The following SDK1 variants were observed in gnomAD, a reference collection of about 807,000 sequenced individuals.
The protein encoded by SDK1 is sidekick cell adhesion molecule 1.
A neutral mutation model predicts 245.5 loss-of-function variants in SDK1; 157 were observed. That is an observed-to-expected ratio of 0.64 (90% CI 0.56 to 0.73). SDK1 has a LOEUF of 0.73. SDK1 is among the 30% of genes least tolerant of loss of function. SDK1 has a pLI of 0.00. For missense variants in SDK1, 3,583 were observed against 3,002.3 expected (o/e 1.19, Z -4.52); for synonymous variants, 1,647 against 1,278.5 (o/e 1.29, Z -6.15).
chr7:3,379,081 G>A (rs189994587), intron 1 of SDK1, among the ~76,000 whole-genome samples: 1 of 152,316 alleles, frequency 6.6e-6, no homozygotes. Context: ...AGCTTCTGCT[G>A]AGGAAACTTT....
intron 1 of SDK1, among the ~76,000 whole-genome samples, chr7:3,357,443 T>G (rs1214886061): frequency 6.9e-6 from 1 of 144,986 alleles, no homozygotes; most frequent in Non-Finnish European, 1.5e-5. Flanking sequence ...TCAGTCTCCC[T>G]GGGCTCAGGT....
intron 30 of SDK1, 59 bp from the exon 31 acceptor site, chr7:4,158,389 G>GC: frequency 7.2e-7 from 1 of 1,383,074 alleles, no homozygotes; most frequent in South Asian, 1.2e-5. Context: ...CACCAGGAAT[G>GC]CCTGAGGGCA....
Position 3,467,195 on chromosome 7 carries a change from G to A in SDK1, c.299-151885G>A, listed in dbSNP as rs138494449. 2.0e-4 allele frequency among the ~76,000 whole-genome samples: 30 copies of A among 152,096 alleles called. 2 individuals carry two copies. In the East Asian group the frequency reaches 5.6e-3, roughly 28 times the overall value. On this transcript the variant is annotated intron_variant, in intron 1 of 44. Coordinates refer to ENST00000404826, the MANE Select transcript of SDK1 (RefSeq NM_152744.4). ...CAATAAAAATATTTTTCTGTAATAT[G>A]TATGTACTACTTTACAATATTAAAG...
At chr7:3,574,478 G>T (rs1780222088) in intron 1 of SDK1, among the ~76,000 whole-genome samples, 1 of 152,044 alleles carries the variant, frequency 6.6e-6, no homozygotes, top group Non-Finnish European at 1.5e-5. Flanking sequence ...ACTGATGGCA[G>T]AACGTAGGTT....
At chr7:3,477,863 A>G (rs1781395806) in intron 1 of SDK1, among the ~76,000 whole-genome samples, 1 of 151,948 alleles carries the variant, frequency 6.6e-6, no homozygotes, top group African/African-American at 2.4e-5. Flanking sequence ...GTTGGATGGA[A>G]ATTTTATCTG....
In SDK1 at chr7:3,320,287, T is replaced by TC. The variant is rs1554257154; in HGVS notation, c.298+18408dup. On this transcript the variant is annotated intron_variant, in intron 1 of 44. Transcript: ENST00000404826. Reference sequence around the variant, plus strand: ...TTACAGCTTTTTTTTTCTATTTTTTTCCCCCTATCTCTTGTAAGTTCTCAT... The same window carrying TC: ...TTACAGCTTTTTTTTTCTATTTTTTTCCCCCCTATCTCTTGTAAGTTCTCAT... 4.0e-3 allele frequency among the ~76,000 whole-genome samples: 602 copies of TC among 151,394 alleles called. 2 individuals are homozygous for TC. Among genetic ancestry groups the TC allele is most frequent in the African/African-American group, 0.013 (530 of 41,250 alleles).
At chr7:3,323,761 G>A (rs1779875434) in intron 1 of SDK1, among the ~76,000 whole-genome samples, 1 of 152,208 alleles carries the variant, frequency 6.6e-6, no homozygotes, top group African/African-American at 2.4e-5. Context: ...ATGTGCTGTA[G>A]AATATGACAT....
chr7:3,811,920 T>A (rs1779394568), intron 4 of SDK1, among the ~76,000 whole-genome samples: 2 of 152,246 alleles, frequency 1.3e-5, no homozygotes, highest in South Asian at 4.1e-4. Context: ...GAAACAGATG[T>A]GGTTGGACCT....
chr7:4,068,034 G>A (rs117660298), intron 20 of SDK1, 98 bp downstream of exon 20: 15,843 of 814,162 alleles, frequency 0.019, 246 homozygotes, highest in South Asian at 0.047. Context: ...GCATGGACCC[G>A]TGCCCATGGC....
intron 5 of SDK1, among the ~76,000 whole-genome samples, chr7:3,908,167 G>A (rs1472533720): frequency 2.0e-5 from 3 of 152,164 alleles, no homozygotes; most frequent in Admixed American, 2.0e-4. Context: ...TGAGGGCTGC[G>A]GTACAGGAAA....
At chr7:3,524,075 G>T (rs924922661) in intron 1 of SDK1, among the ~76,000 whole-genome samples, 6 of 152,126 alleles carry the variant, frequency 3.9e-5, no homozygotes, top group African/African-American at 1.2e-4. Context: ...AACAAATATT[G>T]CCTGAGAAGA....
chr7:3,759,280 A>G (rs939990390), intron 4 of SDK1, among the ~76,000 whole-genome samples: 7 of 152,198 alleles, frequency 4.6e-5, no homozygotes, highest in Non-Finnish European at 1.0e-4. Context: ...CTAAATAGAA[A>G]GTGGGAATGT....
chr7:4,053,261 G>A lies in SDK1; in HGVS notation c.2911+1431G>A, dbSNP rs536765844. Among the ~76,000 whole-genome samples, 63 of 151,954 alleles carry A rather than the reference G, an allele frequency of 4.1e-4. 1 individual carries two copies. In the South Asian group the frequency reaches 0.011, roughly 26 times the overall value. On this transcript the variant is annotated intron_variant, in intron 19 of 44. Coordinates refer to ENST00000404826, the MANE Select transcript of SDK1 (RefSeq NM_152744.4). ...CCGTTTTTGGACTCCCAGCCTCACCGCACTCCCAGCAGGTGACATTTGCAG... is the reference window on the plus strand; with the variant it reads ...CCGTTTTTGGACTCCCAGCCTCACCACACTCCCAGCAGGTGACATTTGCAG...
chr7:3,413,685 T>TCAAA (rs1371326980), intron 1 of SDK1, among the ~76,000 whole-genome samples: 8 of 151,958 alleles, frequency 5.3e-5, no homozygotes, highest in South Asian at 2.1e-4. Context: ...AAACTTCATC[T>TCAAA]CAAACAAACA....
chr7:3,598,745 C>T (rs1374285908), intron 1 of SDK1, among the ~76,000 whole-genome samples: 2 of 152,194 alleles, frequency 1.3e-5, no homozygotes, highest in Non-Finnish European at 2.9e-5. Flanking sequence ...TTTTGTCACT[C>T]AGCAAAATTC....
At chr7:4,079,119 C>A (rs762415360) in intron 21 of SDK1, among the ~76,000 whole-genome samples, 2 of 152,206 alleles carry the variant, frequency 1.3e-5, no homozygotes, top group Admixed American at 1.3e-4. Flanking sequence ...GGAAGAATTA[C>A]ATTCATTCAT....
chr7:3,547,780 T>A (rs1779276702), intron 1 of SDK1, among the ~76,000 whole-genome samples: 1 of 152,194 alleles, frequency 6.6e-6, no homozygotes, highest in African/African-American at 2.4e-5. Flanking sequence ...TAGGTTGAGA[T>A]GTGTGCACAC....
At chr7:3,425,472 C>G (rs927071704) in intron 1 of SDK1, among the ~76,000 whole-genome samples, 1 of 152,130 alleles carries the variant, frequency 6.6e-6, no homozygotes, top group African/African-American at 2.4e-5. Context: ...TAAAATATAA[C>G]TTAATACCAG....
intron 22 of SDK1, among the ~76,000 whole-genome samples, chr7:4,093,685 C>T (rs868816962): frequency 2.0e-5 from 3 of 152,186 alleles, no homozygotes; most frequent in Admixed American, 1.3e-4. Context: ...GCGTCGACAG[C>T]GACAGCGTTT....
Sources: gnomAD v4.1 joint callset for allele counts (sites outside exome capture counted in the v4.1 genomes callset) on GRCh38, gnomAD v4.1.1 for gene constraint, MANE v1.5 for transcripts, NCBI Gene and HGNC (gene_info 2026-07-23, HGNC 2026-07-21) for gene names.